Variants in SOX5 observed in about 807,000 individuals in gnomAD.
The protein encoded by SOX5 is transcription factor SOX-5.
SOX5 carries 9 observed loss-of-function variants against 92.0 expected under a neutral mutation model. That is an observed-to-expected ratio of 0.10 (90% CI 0.06 to 0.17). The LOEUF is 0.17. Ranked by LOEUF, SOX5 falls within the 10% of genes least tolerant of loss-of-function variation. SOX5 has a pLI of 1.00. For synonymous variants in SOX5, 344 were observed against 336.3 expected (o/e 1.02, Z -0.25); for missense variants, 642 against 944.5 (o/e 0.68, Z 4.20).
At chr12:23,881,357 C>T (rs570231698) in intron 2 of SOX5, among the ~76,000 whole-genome samples, 6 of 152,134 alleles carry the variant, frequency 3.9e-5, no homozygotes, top group Non-Finnish European at 8.8e-5. Context: ...CATTCCCTCG[C>T]AATTTCTTTC....
At chr12:23,872,775 C>T (rs1423201118) in intron 2 of SOX5, among the ~76,000 whole-genome samples, 8 of 152,000 alleles carry the variant, frequency 5.3e-5, no homozygotes, top group Admixed American at 2.0e-4. Flanking sequence ...TTGGGAAGAT[C>T]GATGTCTTTG....
chr12:23,931,804 A>G (rs1941466066), intron 1 of SOX5, among the ~76,000 whole-genome samples: 1 of 151,722 alleles, frequency 6.6e-6, no homozygotes, highest in African/African-American at 2.4e-5. Flanking sequence ...AGTTCTAAGT[A>G]TGAACTCTAA....
chr12:23,928,541 A>G (rs1271957662), intron 1 of SOX5, among the ~76,000 whole-genome samples: 1 of 151,950 alleles, frequency 6.6e-6, no homozygotes, highest in Non-Finnish European at 1.5e-5. Flanking sequence ...AAATACATAA[A>G]CTATAGAAAA....
intron 9 of SOX5, among the ~76,000 whole-genome samples, chr12:23,586,779 C>T (rs1193741418): frequency 6.6e-6 from 1 of 151,542 alleles, no homozygotes; most frequent in Non-Finnish European, 1.5e-5. Context: ...GATTATTTCC[C>T]CTCCTCAACA....
intron 3 of SOX5, among the ~76,000 whole-genome samples, chr12:23,807,128 T>G (rs970378436): frequency 2.0e-5 from 3 of 152,194 alleles, no homozygotes; most frequent in Admixed American, 2.0e-4. Flanking sequence ...TATTTAATTT[T>G]ATGTGACATC....
chr12:24,430,947 TTG>T (rs1938186911), intron 1 of SOX5, among the ~76,000 whole-genome samples: 1 of 152,178 alleles, frequency 6.6e-6, no homozygotes, highest in Admixed American at 6.5e-5. Context: ...TTCTTGAAAA[TTG>T]TATAATGCTA....
In SOX5 at chr12:24,392,366, C is replaced by T. The variant is rs902838011; in HGVS notation, c.-250-23727G>A. Among the ~76,000 whole-genome samples the T allele has an allele frequency of 5.3e-5, 8 of 152,118 alleles. No individual in the cohort carries two copies. The South Asian group carries it at 1.4e-3, about 28-fold the overall frequency. ...TAAAATCCAAGTGATCTTACTATGCCTTCCTTTCCACCCTAACGCCCCCAC... is the reference window on the plus strand; with the variant it reads ...TAAAATCCAAGTGATCTTACTATGCTTTCCTTTCCACCCTAACGCCCCCAC... On this transcript the variant is annotated intron_variant, in intron 1 of 4. Coordinates refer to the SOX5 transcript ENST00000446891.
At chr12:23,779,078 T>C (rs960604557) in intron 3 of SOX5, among the ~76,000 whole-genome samples, 1 of 152,194 alleles carries the variant, frequency 6.6e-6, no homozygotes, top group African/African-American at 2.4e-5. Context: ...GCTTCCAGCA[T>C]AAGATACTTT....
intron 2 of SOX5, among the ~76,000 whole-genome samples, chr12:23,856,823 T>G (rs1218078508): frequency 6.6e-6 from 1 of 152,122 alleles, no homozygotes; most frequent in African/African-American, 2.4e-5. Context: ...GAGAGAATGC[T>G]AGAAATCAAA....
At chr12:23,803,447 T>G (rs1016092413) in intron 3 of SOX5, among the ~76,000 whole-genome samples, 3 of 152,172 alleles carry the variant, frequency 2.0e-5, no homozygotes, top group African/African-American at 7.2e-5. Context: ...CCTTCAATAT[T>G]TCTGAAATTC....
intron 1 of SOX5, among the ~76,000 whole-genome samples, chr12:24,425,265 G>A (rs971506404): frequency 1.3e-4 from 20 of 152,084 alleles, no homozygotes; most frequent in African/African-American, 4.8e-4. Context: ...ATTAATCATA[G>A]GTATAACAAT....
chr12:23,582,554 C>G (rs569861928), intron 9 of SOX5, among the ~76,000 whole-genome samples: 1 of 152,196 alleles, frequency 6.6e-6, no homozygotes, highest in East Asian at 1.9e-4. Context: ...CTTGAAACCC[C>G]TTTTCATGAT....
chr12:23,718,968 A>G (rs758604677), intron 6 of SOX5, among the ~76,000 whole-genome samples: 3 of 152,210 alleles, frequency 2.0e-5, no homozygotes, highest in South Asian at 2.1e-4. Flanking sequence ...GGGGGAAGAC[A>G]TTATACCTAA....
At chr12:24,278,795 G>C (rs969487604) in intron 2 of SOX5, among the ~76,000 whole-genome samples, 2 of 151,828 alleles carry the variant, frequency 1.3e-5, no homozygotes, top group African/African-American at 2.4e-5. Flanking sequence ...TAGAATAAAG[G>C]CTGTCTATAT....
At chr12:24,482,474 C>A (rs1236831839) in intron 1 of SOX5, among the ~76,000 whole-genome samples, 3 of 152,112 alleles carry the variant, frequency 2.0e-5, no homozygotes. Context: ...TCACTATTAC[C>A]CATTATCAAT....
At chr12:23,724,536 T>C (rs1015639670) in intron 6 of SOX5, among the ~76,000 whole-genome samples, 1 of 152,204 alleles carries the variant, frequency 6.6e-6, no homozygotes, top group African/African-American at 2.4e-5. Flanking sequence ...AAATAGTTCA[T>C]GGTTTACAAA....
chr12:23,567,412 A>G (rs1300372224), intron 10 of SOX5, among the ~76,000 whole-genome samples: 1 of 152,010 alleles, frequency 6.6e-6, no homozygotes, highest in Admixed American at 6.6e-5. Context: ...TCATTAATGT[A>G]AGAAATTTGT....
At chr12:24,134,739 G>A (rs1465753677) in intron 4 of SOX5, among the ~76,000 whole-genome samples, 3 of 152,258 alleles carry the variant, frequency 2.0e-5, no homozygotes, top group South Asian at 2.1e-4. Flanking sequence ...ACCCAGTGAC[G>A]CAAGGCAAAG....
chr12:24,350,581 CGA>C (rs1278748239), intron 2 of SOX5, among the ~76,000 whole-genome samples: 1 of 152,072 alleles, frequency 6.6e-6, no homozygotes, highest in Non-Finnish European at 1.5e-5. Flanking sequence ...TGGGCTCAAG[CGA>C]GCCTCCTGCT....
Sources: gnomAD v4.1 joint callset for allele counts (sites outside exome capture counted in the v4.1 genomes callset) on GRCh38, gnomAD v4.1.1 for gene constraint, MANE v1.5 for transcripts, NCBI Gene and HGNC (gene_info 2026-07-23, HGNC 2026-07-21) for gene names.